RBFOX1: variants seen among roughly 807,000 people sequenced by gnomAD.
The protein encoded by RBFOX1 is RNA binding protein fox-1 homolog 1.
Under a neutral mutation model 57.7 loss-of-function variants are expected in RBFOX1, and 8 were observed. The ratio of observed to expected loss-of-function variants is 0.14; its 90% CI spans 0.08 to 0.25. The LOEUF is 0.25. RBFOX1 is among the 10% of genes least tolerant of loss of function. The probability of loss-of-function intolerance (pLI) is 1.00; values close to 1 mark genes in which losing one functional copy is unlikely to be tolerated. For missense variants in RBFOX1, 611 were observed against 548.5 expected (o/e 1.11, Z -1.14); for synonymous variants, 326 against 222.4 (o/e 1.47, Z -4.15).
chr16:5,250,873 C>A (rs2062433282), intron 1 of RBFOX1, among the ~76,000 whole-genome samples: 1 of 152,212 alleles, frequency 6.6e-6, no homozygotes, highest in African/African-American at 2.4e-5. Flanking sequence ...GCCTGCATTT[C>A]TGTGAGATGT....
intron 4 of RBFOX1, among the ~76,000 whole-genome samples, chr16:7,477,286 T>C (rs1332254670): frequency 6.6e-6 from 1 of 152,184 alleles, no homozygotes; most frequent in Non-Finnish European, 1.5e-5. Context: ...AGGCTTATTA[T>C]TTCTTCCTGA....
chr16:7,034,161 A>T (rs1041189030), intron 3 of RBFOX1, among the ~76,000 whole-genome samples: 1 of 152,056 alleles, frequency 6.6e-6, no homozygotes. Context: ...CTGGTTCTGG[A>T]TTCAAATAGC....
At chr16:6,766,090 A>G (rs932628230) in intron 3 of RBFOX1, among the ~76,000 whole-genome samples, 6 of 152,134 alleles carry the variant, frequency 3.9e-5, no homozygotes, top group Admixed American at 3.9e-4. Flanking sequence ...CAATTCATCC[A>G]TGTAACCAAA....
intron 1 of RBFOX1, among the ~76,000 whole-genome samples, chr16:5,298,834 AAAAG>A (rs1445127881): frequency 2.0e-5 from 1 of 50,506 alleles, no homozygotes; most frequent in African/African-American, 7.9e-5. Flanking sequence ...GAGGCAGAAA[AAAAG>A]CAATAAAAAT....
At chr16:7,679,294 C>G (rs560039104) in intron 14 of RBFOX1, among the ~76,000 whole-genome samples, 1 of 152,108 alleles carries the variant, frequency 6.6e-6, no homozygotes, top group Admixed American at 6.6e-5. Flanking sequence ...TGCCAAGTAC[C>G]TATAATTTCT....
intron 3 of RBFOX1, among the ~76,000 whole-genome samples, chr16:5,717,428 T>C (rs550280724): frequency 8.4e-4 from 128 of 152,256 alleles, no homozygotes; most frequent in Non-Finnish European, 1.2e-3. Flanking sequence ...TAATGGTAAT[T>C]TCTGAGATTT....
intron 1 of RBFOX1, among the ~76,000 whole-genome samples, chr16:6,309,960 G>A (rs1567905581): frequency 6.6e-6 from 1 of 152,142 alleles, no homozygotes; most frequent in African/African-American, 2.4e-5. Flanking sequence ...GCAGTGGCAC[G>A]ATCTCAGCTC....
intron 4 of RBFOX1, among the ~76,000 whole-genome samples, chr16:7,065,294 G>A (rs1383827187): frequency 6.6e-6 from 1 of 152,118 alleles, no homozygotes; most frequent in Non-Finnish European, 1.5e-5. Flanking sequence ...TTTTAGGGAT[G>A]ATCTGATGGA....
At chr16:7,627,124 C>CTTT (rs58159930) in intron 10 of RBFOX1, among the ~76,000 whole-genome samples, 2,747 of 128,284 alleles carry the variant, frequency 0.021, 129 homozygotes, top group African/African-American at 0.08. Flanking sequence ...CCTCCGCCTC[C>CTTT]TTTTTTTTTT....
At chr16:6,648,640 G>C (rs1245240837) in intron 2 of RBFOX1, among the ~76,000 whole-genome samples, 2 of 152,076 alleles carry the variant, frequency 1.3e-5, no homozygotes, top group African/African-American at 4.8e-5. Flanking sequence ...CTCACCCTTT[G>C]AATTTTGGAT....
intron 3 of RBFOX1, among the ~76,000 whole-genome samples, chr16:6,906,983 C>A (rs2070168690): frequency 6.6e-6 from 1 of 152,124 alleles, no homozygotes; most frequent in African/African-American, 2.4e-5. Flanking sequence ...CTCAGCTTCC[C>A]AAAGTGCTAG....
At chr16:6,275,183 C>A (rs969231802) in intron 1 of RBFOX1, among the ~76,000 whole-genome samples, 1 of 151,688 alleles carries the variant, frequency 6.6e-6, no homozygotes, top group Non-Finnish European at 1.5e-5. Flanking sequence ...TGGTGGCGGG[C>A]GCCTGTAGTC....
intron 3 of RBFOX1, among the ~76,000 whole-genome samples, chr16:5,760,266 C>T (rs2053546108): frequency 6.6e-6 from 1 of 152,026 alleles, no homozygotes; most frequent in Non-Finnish European, 1.5e-5. Context: ...TTGCCTTAGG[C>T]ACTAGGGGTA....
At chr16:6,717,760 T>C (rs2065122560) in intron 3 of RBFOX1, among the ~76,000 whole-genome samples, 1 of 152,168 alleles carries the variant, frequency 6.6e-6, no homozygotes, top group Non-Finnish European at 1.5e-5. Context: ...CATTAGTATG[T>C]GTTTACGGGC....
At chr16:5,606,929 T>C (rs1435542305) in intron 3 of RBFOX1, among the ~76,000 whole-genome samples, 1 of 152,120 alleles carries the variant, frequency 6.6e-6, no homozygotes, top group East Asian at 1.9e-4. Flanking sequence ...CAGTGCTCCA[T>C]AGTAGTTAAG....
At chr16:6,107,616 C>T (rs1180237876) in intron 1 of RBFOX1, among the ~76,000 whole-genome samples, 1 of 151,532 alleles carries the variant, frequency 6.6e-6, no homozygotes, top group Non-Finnish European at 1.5e-5. Flanking sequence ...TGGATGGATA[C>T]ATAGATGAAT....
intron 1 of RBFOX1, among the ~76,000 whole-genome samples, chr16:6,256,573 A>C (rs557809117): frequency 6.6e-6 from 1 of 152,048 alleles, no homozygotes; most frequent in Admixed American, 6.6e-5. Context: ...AAAAGCGATT[A>C]AACCGATATA....
chr16:7,496,889 A>C lies in RBFOX1; in HGVS notation c.28-21258A>C, dbSNP rs569765501. ...CACTAGACACAGAATGGACTGAAAA[A>C]ATTAGGATTAGAGTCATTGGTACCC... On this transcript the variant is annotated intron_variant, in intron 4 of 15. Transcript: ENST00000550418. Among the ~76,000 whole-genome samples the C allele has an allele frequency of 2.0e-5, 3 of 152,292 alleles. No homozygotes were observed. The South Asian group carries it at 6.2e-4, about 32-fold the overall frequency.
intron 4 of RBFOX1, among the ~76,000 whole-genome samples, chr16:7,491,594 C>G (rs1024143145): frequency 2.0e-5 from 3 of 151,754 alleles, no homozygotes; most frequent in Admixed American, 6.6e-5. Context: ...AAATTATTTG[C>G]TTTATGTAAT....
Sources: allele counts gnomAD v4.1 joint callset (sites outside exome capture counted in the v4.1 genomes callset), GRCh38; gene constraint gnomAD v4.1.1; transcripts MANE v1.5; gene names NCBI Gene and HGNC (gene_info 2026-07-23, HGNC 2026-07-21).